Variants in NKAIN2 observed in about 807,000 individuals in gnomAD.
The protein encoded by NKAIN2 is sodium/potassium transporting ATPase interacting 2.
A neutral mutation model predicts 32.6 loss-of-function variants in NKAIN2; 14 were observed. The ratio of observed to expected loss-of-function variants is 0.43; its 90% confidence interval spans 0.28 to 0.67. NKAIN2 has a LOEUF of 0.67. Ranked by LOEUF, NKAIN2 falls within the 30% of genes least tolerant of loss-of-function variation. NKAIN2 has a pLI of 0.17. For missense variants in NKAIN2, 198 were observed against 258.3 expected (o/e 0.77, Z 1.60); for synonymous variants, 80 against 87.2 (o/e 0.92, Z 0.46).
intron 2 of NKAIN2, among the ~76,000 whole-genome samples, chr6:124,317,027 C>T (rs59583453): frequency 0.052 from 7,956 of 152,070 alleles, 623 homozygotes; most frequent in African/African-American, 0.17. Context: ...AAGCCAGGCA[C>T]GGTTGCATGT....
chr6:124,721,231 C>T (rs1355626515), intron 4 of NKAIN2, among the ~76,000 whole-genome samples: 2 of 151,804 alleles, frequency 1.3e-5, no homozygotes, highest in Non-Finnish European at 2.9e-5. Flanking sequence ...GGTGAAACCC[C>T]GTCTCTACTA....
chr6:123,975,708 AAG>A (rs1381866150), intron 1 of NKAIN2, among the ~76,000 whole-genome samples: 1 of 152,158 alleles, frequency 6.6e-6, no homozygotes, highest in Non-Finnish European at 1.5e-5. Context: ...ATAGCAAAAG[AAG>A]AGAGTCTCTT....
intron 1 of NKAIN2, among the ~76,000 whole-genome samples, chr6:124,161,689 A>G (rs1788283346): frequency 6.6e-6 from 1 of 152,110 alleles, no homozygotes; most frequent in Admixed American, 6.6e-5. Flanking sequence ...TGTGTTTTAG[A>G]TTTTAAAATT....
chr6:124,150,852 A>G (rs1787680429), intron 1 of NKAIN2, among the ~76,000 whole-genome samples: 1 of 152,134 alleles, frequency 6.6e-6, no homozygotes, highest in Non-Finnish European at 1.5e-5. Context: ...AATTGTGTTG[A>G]TAATTGTGAA....
rs186709428 is a variant in NKAIN2, at chr6:124,764,162, G to A, written c.475-27177G>A. Among the ~76,000 whole-genome samples the A allele has an allele frequency of 1.9e-3, 292 of 152,230 alleles. 3 individuals are homozygous for A. The highest frequency in any genetic ancestry group is 3.1e-3 in the Admixed American group (47 of 15,282). On this transcript the variant is annotated intron_variant, in intron 4 of 6. Coordinates refer to ENST00000368417, the MANE Select transcript of NKAIN2 (RefSeq NM_001040214.3). ...TAACATGGGGTTCTTGAGCAGAGGT[G>A]AGAAAATAATTGCATATTTTATTTT... is the stretch of plus-strand genomic sequence containing the variant.
At chr6:124,551,500 C>A (rs1049776047) in intron 3 of NKAIN2, among the ~76,000 whole-genome samples, 3 of 152,078 alleles carry the variant, frequency 2.0e-5, no homozygotes, top group African/African-American at 7.2e-5. Flanking sequence ...CCCTTCTTTT[C>A]TACCAAATCC....
At chr6:123,934,779 A>G (rs562433736) in intron 1 of NKAIN2, among the ~76,000 whole-genome samples, 34 of 152,184 alleles carry the variant, frequency 2.2e-4, no homozygotes, top group Non-Finnish European at 4.1e-4. Context: ...AGTGCTTTTA[A>G]AATTATTTAA....
At chr6:124,789,922 G>A (rs1582527177) in intron 4 of NKAIN2, among the ~76,000 whole-genome samples, 2 of 151,984 alleles carry the variant, frequency 1.3e-5, no homozygotes, top group East Asian at 3.9e-4. Context: ...GATGTGTACT[G>A]GTACAGATAC....
At chr6:123,974,113 C>A (rs955613190) in intron 1 of NKAIN2, among the ~76,000 whole-genome samples, 1 of 152,010 alleles carries the variant, frequency 6.6e-6, no homozygotes, top group African/African-American at 2.4e-5. Context: ...GTTATTAGAT[C>A]AGAATGAGAA....
chr6:124,794,782 G>T, intron 5 of NKAIN2: 1 of 481,662 alleles, frequency 2.1e-6, no homozygotes. Flanking sequence ...AGTATCTTTT[G>T]GTTACAATGC....
At chr6:124,268,477 G>C (rs2114867898) in intron 1 of NKAIN2, among the ~76,000 whole-genome samples, 1 of 152,196 alleles carries the variant, frequency 6.6e-6, no homozygotes, top group South Asian at 2.1e-4. Context: ...TTAGGAGATA[G>C]AAGACTGACA....
chr6:124,032,478 G>A lies in NKAIN2; in HGVS notation c.54+228224G>A, dbSNP rs558945142. On this transcript the variant is annotated intron_variant, in intron 1 of 6. Coordinates refer to ENST00000368417, the MANE Select transcript of NKAIN2 (RefSeq NM_001040214.3). ...AAAAAATAGTTATGTTGCCTGTGGA[G>A]TTTTAGAACTTAATGTAATGAAAGT... Among the ~76,000 whole-genome samples, 5 of 152,088 alleles carry A rather than the reference G, an allele frequency of 3.3e-5. No individual in the cohort carries two copies. In the South Asian group the frequency reaches 1.0e-3, roughly 32 times the overall value.
chr6:124,389,743 GT>G (rs1397610360), intron 3 of NKAIN2, among the ~76,000 whole-genome samples: 9,411 of 148,992 alleles, frequency 0.063, 818 homozygotes, highest in African/African-American at 0.21. Flanking sequence ...GTGTGTGTGT[GT>G]GTGTGTGGGT....
At chr6:124,600,927 T>G (rs1350278603) in intron 3 of NKAIN2, among the ~76,000 whole-genome samples, 1 of 152,076 alleles carries the variant, frequency 6.6e-6, no homozygotes, top group African/African-American at 2.4e-5. Flanking sequence ...CAAAATGATC[T>G]AGATAAAAGA....
intron 1 of NKAIN2, among the ~76,000 whole-genome samples, chr6:124,204,170 G>C (rs1350559390): frequency 1.3e-5 from 2 of 151,754 alleles, no homozygotes; most frequent in African/African-American, 2.4e-5. Context: ...TCAGTTGCAG[G>C]TACACATACT....
At position 124,562,158 on chromosome 6, in the gene NKAIN2, T is replaced by C. The variant is rs553955254; in HGVS notation, c.274-96028T>C. 4.6e-5 allele frequency among the ~76,000 whole-genome samples: 7 copies of C among 152,324 alleles called. No homozygotes were observed. In the East Asian group the frequency reaches 1.2e-3, roughly 25 times the overall value. On this transcript the variant is annotated intron_variant, in intron 3 of 6. Coordinates refer to ENST00000368417, the MANE Select transcript of NKAIN2 (RefSeq NM_001040214.3). ...ATAAATTCCTTTAAATTTCAGGACT[T>C]GAAAATTCATATAATACTGTGGAAT...
chr6:124,437,928 T>A (rs996452312), intron 3 of NKAIN2: 1 of 431,582 alleles, frequency 2.3e-6, no homozygotes, highest in Non-Finnish European at 4.6e-6. Flanking sequence ...TAAGTTCTGA[T>A]TTTCTCAATA....
At chr6:124,377,678 T>C (rs1275724397) in intron 3 of NKAIN2, among the ~76,000 whole-genome samples, 2 of 152,262 alleles carry the variant, frequency 1.3e-5, no homozygotes, top group East Asian at 3.9e-4. Context: ...AATTATATTA[T>C]TGACAGCTTT....
At chr6:124,747,688 A>C (rs1193775734) in intron 4 of NKAIN2, among the ~76,000 whole-genome samples, 2 of 151,772 alleles carry the variant, frequency 1.3e-5, no homozygotes, top group African/African-American at 4.8e-5. Flanking sequence ...AGTCGCATAC[A>C]TTTTTGCCAC....
Sources: gnomAD v4.1 joint callset for allele counts (sites outside exome capture counted in the v4.1 genomes callset) on GRCh38, gnomAD v4.1.1 for gene constraint, MANE v1.5 for transcripts, NCBI Gene and HGNC (gene_info 2026-07-23, HGNC 2026-07-21) for gene names.